Variants in PIWIL2 observed in about 807,000 individuals in gnomAD.
PIWIL2 encodes piwi-like protein 2.
Under a neutral mutation model 116.5 loss-of-function variants are expected in PIWIL2, and 81 were observed. The ratio of observed to expected loss-of-function variants is 0.70; its 90% CI spans 0.58 to 0.84. The LOEUF is 0.84. Ranked by LOEUF, PIWIL2 falls within the 40% of genes least tolerant of loss-of-function variation. The pLI is 0.00. For synonymous variants in PIWIL2, 489 were observed against 429.5 expected (o/e 1.14, Z -1.71); for missense variants, 1,272 against 1,212.3 (o/e 1.05, Z -0.73).
chr8:22,355,580 A>G lies in PIWIL2; in HGVS notation c.*75A>G. 1.5e-6 allele frequency: 2 copies of G among 1,317,370 alleles called. No individual in the cohort carries two copies. Among genetic ancestry groups the G allele is most frequent in the East Asian group, 2.4e-5 (1 of 41,618 alleles). 81.6% of individuals were successfully genotyped at this position (1,317,370 alleles called of 1,614,324 possible). ...CAGCTGTGACTCTTGCAGAATCAAC[A>G]GAGACTGAAGTGGGCTTTTGTGTTA... On this transcript the variant is annotated 3_prime_UTR_variant, in exon 23 of 23. Transcript: ENST00000356766.
chr8:22,345,687 A>G (rs1367583733), intron 20 of PIWIL2, among the ~76,000 whole-genome samples: 1 of 152,154 alleles, frequency 6.6e-6, no homozygotes, highest in East Asian at 1.9e-4. Flanking sequence ...AATAATTTTA[A>G]AAACCCACAA....
At chr8:22,299,554 TC>T (rs1830996264) in intron 10 of PIWIL2, among the ~76,000 whole-genome samples, 1 of 152,156 alleles carries the variant, frequency 6.6e-6, no homozygotes, top group African/African-American at 2.4e-5. Flanking sequence ...TATTCTACAC[TC>T]AGTATTAATC....
chr8:22,325,222 C>T (rs1420033357), intron 20 of PIWIL2, among the ~76,000 whole-genome samples: 1 of 152,150 alleles, frequency 6.6e-6, no homozygotes, highest in Non-Finnish European at 1.5e-5. Context: ...CCACTTCCTT[C>T]GATTCAGCAG....
intron 10 of PIWIL2, among the ~76,000 whole-genome samples, chr8:22,303,417 G>C (rs76928830): frequency 0.066 from 10,010 of 152,024 alleles, 391 homozygotes; most frequent in Admixed American, 0.092. Flanking sequence ...TTAGGGACAG[G>C]GCCTTACTTT....
At chr8:22,283,883 C>T (rs985837769) in intron 5 of PIWIL2, among the ~76,000 whole-genome samples, 2 of 152,154 alleles carry the variant, frequency 1.3e-5, no homozygotes, top group African/African-American at 4.8e-5. Context: ...CTCCATAGAA[C>T]TCATTCTTGT....
At chr8:22,348,225 G>A (rs532058771) in intron 20 of PIWIL2, among the ~76,000 whole-genome samples, 4 of 150,510 alleles carry the variant, frequency 2.7e-5, no homozygotes, top group African/African-American at 9.8e-5. Flanking sequence ...GCTTGAACCC[G>A]GGAGGCGGAG....
intron 1 of PIWIL2, chr8:22,276,111 A>G (rs1830361488): frequency 6.6e-6 from 1 of 152,286 alleles, no homozygotes; most frequent in Non-Finnish European, 1.5e-5. Flanking sequence ...GGCTCACCGA[A>G]AAGGGGTGTT....
chr8:22,330,932 T>C (rs1831847311), intron 20 of PIWIL2, among the ~76,000 whole-genome samples: 5 of 152,134 alleles, frequency 3.3e-5, no homozygotes, highest in Admixed American at 3.3e-4. Flanking sequence ...CCCAGCACTT[T>C]GGGAGGCTGA....
intron 20 of PIWIL2, among the ~76,000 whole-genome samples, chr8:22,327,335 AATC>A (rs776554472): frequency 6.2e-5 from 9 of 145,294 alleles, no homozygotes; most frequent in Non-Finnish European, 1.2e-4. Flanking sequence ...AGTTTTTTTA[AATC>A]ATCACTGTTT....
At chr8:22,331,337 A>G (rs2132079284) in intron 20 of PIWIL2, among the ~76,000 whole-genome samples, 1 of 152,030 alleles carries the variant, frequency 6.6e-6, no homozygotes, top group East Asian at 1.9e-4. Context: ...CTCTACAAAA[A>G]AGAAATTAAA....
chr8:22,297,316 C>T (rs1563366135), intron 10 of PIWIL2, among the ~76,000 whole-genome samples: 1 of 152,084 alleles, frequency 6.6e-6, no homozygotes, highest in African/African-American at 2.4e-5. Context: ...TGCAGTTTGA[C>T]TGTGTTGCCA....
intron 2 of PIWIL2, 30 bp downstream of exon 2, chr8:22,279,614 G>A: frequency 6.3e-7 from 1 of 1,586,288 alleles, no homozygotes; most frequent in Non-Finnish European, 8.7e-7. Flanking sequence ...CATAGGAGTG[G>A]CATACAGCTT....
chr8:22,289,152 C>CTTTTTTTTTTTTTTTTTT (rs374688951), intron 8 of PIWIL2, among the ~76,000 whole-genome samples: 2 of 135,312 alleles, frequency 1.5e-5, no homozygotes, highest in African/African-American at 2.7e-5. Context: ...TTTCTTTTTT[C>CTTTTTTTTTTTTTTTTTT]TTTTTTTTTT....
intron 10 of PIWIL2, among the ~76,000 whole-genome samples, chr8:22,300,729 T>A (rs1057147070): frequency 6.6e-6 from 1 of 152,192 alleles, no homozygotes; most frequent in African/African-American, 2.4e-5. Flanking sequence ...TGGTTTTGAT[T>A]TACATTTTCC....
intron 10 of PIWIL2, among the ~76,000 whole-genome samples, chr8:22,303,668 A>C (rs1294870087): frequency 6.6e-6 from 1 of 152,198 alleles, no homozygotes; most frequent in East Asian, 1.9e-4. Context: ...AGCTGGGACT[A>C]CAACTGTGAG....
chr8:22,312,307 C>G (rs1831353213), intron 16 of PIWIL2, among the ~76,000 whole-genome samples: 1 of 152,096 alleles, frequency 6.6e-6, no homozygotes, highest in South Asian at 2.1e-4. Context: ...ACTCTGTCAC[C>G]CATGTGGAGT....
At chr8:22,332,861 A>G (rs1157414434) in intron 20 of PIWIL2, among the ~76,000 whole-genome samples, 1 of 152,166 alleles carries the variant, frequency 6.6e-6, no homozygotes, top group Admixed American at 6.6e-5. Context: ...TAGAAGGAAC[A>G]TGATCCCAGA....
At chr8:22,289,968 G>A (rs1438573122) in intron 9 of PIWIL2, 41 bp downstream of exon 9, 17 of 1,327,160 alleles carry the variant, frequency 1.3e-5, no homozygotes, top group African/African-American at 5.8e-5. Context: ...GAATGTTCTG[G>A]AAAGAAAGTT....
intron 20 of PIWIL2, among the ~76,000 whole-genome samples, chr8:22,352,112 T>A (rs189142459): frequency 1.8e-3 from 276 of 152,142 alleles, no homozygotes; most frequent in African/African-American, 6.2e-3. Flanking sequence ...GCCTGTGTAA[T>A]TTTTGTATCT....
Sources: gnomAD v4.1 joint callset for allele counts (sites outside exome capture counted in the v4.1 genomes callset) on GRCh38, gnomAD v4.1.1 for gene constraint, MANE v1.5 for transcripts, NCBI Gene and HGNC (gene_info 2026-07-23, HGNC 2026-07-21) for gene names.